Variants in MACROD2 observed in about 807,000 individuals in gnomAD.
MACROD2 encodes mono-ADP ribosylhydrolase 2, also known as ADP-ribose glycohydrolase MACROD2.
Under a neutral mutation model 70.4 loss-of-function variants are expected in MACROD2, and 36 were observed. That is an observed-to-expected ratio of 0.51 (90% CI 0.39 to 0.68). The LOEUF is 0.68. MACROD2 is among the 30% of genes least tolerant of loss of function. The pLI is 0.00. For missense variants in MACROD2, 496 were observed against 538.4 expected (o/e 0.92, Z 0.78); for synonymous variants, 172 against 178.8 (o/e 0.96, Z 0.30).
At chr20:15,320,428 C>G (rs1336837976) in intron 6 of MACROD2, among the ~76,000 whole-genome samples, 1 of 152,102 alleles carries the variant, frequency 6.6e-6, no homozygotes, top group Non-Finnish European at 1.5e-5. Flanking sequence ...TGAATTGATA[C>G]AAAAGTAAAC....
chr20:14,020,368 G>T (rs2053058262), intron 2 of MACROD2, among the ~76,000 whole-genome samples: 1 of 152,182 alleles, frequency 6.6e-6, no homozygotes, highest in Non-Finnish European at 1.5e-5. Context: ...AGCTACTCGA[G>T]AGGCTGAGGC....
chr20:15,307,208 A>G (rs1439249660), intron 6 of MACROD2, among the ~76,000 whole-genome samples: 1 of 152,160 alleles, frequency 6.6e-6, no homozygotes, highest in African/African-American at 2.4e-5. Context: ...TCTTGAGAAC[A>G]AATTTATGCT....
At chr20:14,506,672 C>G (rs2084972606) in intron 4 of MACROD2, among the ~76,000 whole-genome samples, 1 of 152,118 alleles carries the variant, frequency 6.6e-6, no homozygotes, top group Non-Finnish European at 1.5e-5. Flanking sequence ...ATGTTCTGGC[C>G]AGGCCTGGTG....
intron 5 of MACROD2, among the ~76,000 whole-genome samples, chr20:14,996,413 C>A (rs1218459592): frequency 2.6e-5 from 4 of 152,186 alleles, no homozygotes; most frequent in African/African-American, 9.7e-5. Context: ...ATTGAAGAGT[C>A]TTCCAGAGAG....
At chr20:15,699,099 G>A (rs1033752155) in intron 8 of MACROD2, among the ~76,000 whole-genome samples, 9 of 152,180 alleles carry the variant, frequency 5.9e-5, no homozygotes, top group Admixed American at 2.6e-4. Flanking sequence ...ATTTCTTCTC[G>A]GTTTGGATTC....
intron 4 of MACROD2, among the ~76,000 whole-genome samples, chr20:14,677,311 T>G (rs1005541959): frequency 7.2e-5 from 11 of 152,158 alleles, no homozygotes; most frequent in Admixed American, 6.6e-4. Context: ...AGCTCCAAGG[T>G]AATATGAACA....
chr20:14,417,831 C>G (rs2083827850), intron 3 of MACROD2, among the ~76,000 whole-genome samples: 1 of 152,044 alleles, frequency 6.6e-6, no homozygotes, highest in Admixed American at 6.6e-5. Context: ...CTCAGAGTTT[C>G]TGAAAAGGAT....
At chr20:14,033,869 C>G (rs182895378) in intron 2 of MACROD2, among the ~76,000 whole-genome samples, 1 of 152,266 alleles carries the variant, frequency 6.6e-6, no homozygotes, top group African/African-American at 2.4e-5. Flanking sequence ...TAGTATTCTT[C>G]ACTCTTTTGT....
intron 8 of MACROD2, among the ~76,000 whole-genome samples, chr20:15,790,569 T>C (rs1298658489): frequency 1.3e-5 from 2 of 151,944 alleles, no homozygotes; most frequent in East Asian, 3.9e-4. Flanking sequence ...TTATGTGATT[T>C]ATGTCTCTGA....
chr20:15,024,316 C>G (rs1251228828), intron 5 of MACROD2, among the ~76,000 whole-genome samples: 1 of 151,820 alleles, frequency 6.6e-6, no homozygotes, highest in East Asian at 1.9e-4. Context: ...GCGAATTAAG[C>G]AGCTTTAAAA....
chr20:14,592,392 G>C (rs1489797829), intron 4 of MACROD2, among the ~76,000 whole-genome samples: 1 of 152,144 alleles, frequency 6.6e-6, no homozygotes, highest in Non-Finnish European at 1.5e-5. Flanking sequence ...TTATTGCAAA[G>C]AGGAAATGCA....
chr20:14,014,163 T>G (rs1369210347), intron 2 of MACROD2, among the ~76,000 whole-genome samples: 2 of 152,192 alleles, frequency 1.3e-5, no homozygotes, highest in East Asian at 3.9e-4. Context: ...CGTGAACAGA[T>G]ATTTTGACAT....
At chr20:16,024,098 G>C (rs2067042980) in intron 15 of MACROD2, among the ~76,000 whole-genome samples, 1 of 152,164 alleles carries the variant, frequency 6.6e-6, no homozygotes, top group Non-Finnish European at 1.5e-5. Flanking sequence ...CTTAATTGCG[G>C]CATTGATTAA....
chr20:14,255,978 A>C (rs2082053191), intron 3 of MACROD2, among the ~76,000 whole-genome samples: 1 of 151,796 alleles, frequency 6.6e-6, no homozygotes, highest in Admixed American at 6.6e-5. Flanking sequence ...TTCAATTTTG[A>C]AGAGTTCTCT....
intron 5 of MACROD2, among the ~76,000 whole-genome samples, chr20:15,073,803 A>T (rs1432678699): frequency 6.6e-6 from 1 of 152,208 alleles, no homozygotes; most frequent in Non-Finnish European, 1.5e-5. Context: ...ACTATAAAAA[A>T]TAACTAAGAA....
intron 5 of MACROD2, among the ~76,000 whole-genome samples, chr20:15,161,044 G>A (rs1601159413): frequency 6.6e-6 from 1 of 152,084 alleles, no homozygotes; most frequent in African/African-American, 2.4e-5. Context: ...GTAAGGAGCA[G>A]TAGAAGTTTT....
intron 5 of MACROD2, among the ~76,000 whole-genome samples, chr20:14,808,905 G>T (rs1168970974): frequency 6.6e-6 from 1 of 152,004 alleles, no homozygotes; most frequent in Non-Finnish European, 1.5e-5. Flanking sequence ...AAATATATAT[G>T]CACCCAATAC....
chr20:15,386,854 C>G (rs2045720348), intron 6 of MACROD2, among the ~76,000 whole-genome samples: 1 of 152,132 alleles, frequency 6.6e-6, no homozygotes, highest in Admixed American at 6.5e-5. Context: ...TTTAATTTAT[C>G]CCTTGTAATA....
intron 8 of MACROD2, among the ~76,000 whole-genome samples, chr20:15,681,568 T>A (rs73614424): frequency 0.042 from 6,350 of 152,256 alleles, 253 homozygotes; most frequent in East Asian, 0.21. Context: ...GTGGCCTAAT[T>A]TGTTTGGGGC....
Sources: gnomAD v4.1 joint callset for allele counts (sites outside exome capture counted in the v4.1 genomes callset) on GRCh38, gnomAD v4.1.1 for gene constraint, MANE v1.5 for transcripts, NCBI Gene and HGNC (gene_info 2026-07-23, HGNC 2026-07-21) for gene names.